PTPRN2: variants seen among roughly 807,000 people sequenced by gnomAD.
The protein encoded by PTPRN2 is protein tyrosine phosphatase receptor type N2.
PTPRN2 carries 74 observed loss-of-function variants against 118.8 expected under a neutral mutation model. That is an observed-to-expected ratio of 0.62 (90% confidence interval 0.52 to 0.76). The LOEUF is 0.76. PTPRN2 is among the 30% of genes least tolerant of loss of function. The pLI is 0.00. For missense variants in PTPRN2, 1,481 were observed against 1,394.4 expected, an observed-to-expected ratio of 1.06 and a Z score of -0.99; for synonymous variants, 641 against 608.0, an observed-to-expected ratio of 1.05 and a Z score of -0.80.
At chr7:157,812,203 T>C (rs1806089582) in intron 12 of PTPRN2, among the ~76,000 whole-genome samples, 1 of 152,162 alleles carries the variant, frequency 6.6e-6, no homozygotes, top group Admixed American at 6.5e-5. Flanking sequence ...CTTTTGGATG[T>C]GAGGTCCGCT....
intron 12 of PTPRN2, among the ~76,000 whole-genome samples, chr7:157,841,008 ACGGCCG>A (rs1476031463): frequency 6.6e-6 from 1 of 152,226 alleles, no homozygotes; most frequent in Non-Finnish European, 1.5e-5. Context: ...GCAATTCACA[ACGGCCG>A]CTGCCTGGCC....
At chr7:157,842,573 C>A (rs926436052) in intron 12 of PTPRN2, among the ~76,000 whole-genome samples, 16 of 152,054 alleles carry the variant, frequency 1.1e-4, no homozygotes, top group African/African-American at 3.9e-4. Flanking sequence ...CACCACCATG[C>A]CCAGCTAATT....
At chr7:157,682,343 T>A (rs1307294417) in intron 13 of PTPRN2, among the ~76,000 whole-genome samples, 2 of 152,236 alleles carry the variant, frequency 1.3e-5, no homozygotes, top group Non-Finnish European at 2.9e-5. Context: ...AGGAAGCCGA[T>A]GATTTTTGAG....
At chr7:157,768,126 A>C (rs1563087380) in intron 12 of PTPRN2, among the ~76,000 whole-genome samples, 1 of 152,218 alleles carries the variant, frequency 6.6e-6, no homozygotes, top group Non-Finnish European at 1.5e-5. Flanking sequence ...GCAACTACTT[A>C]AGCATCTTTG....
chr7:158,300,100 T>C (rs1312581307), intron 3 of PTPRN2, among the ~76,000 whole-genome samples: 1 of 152,196 alleles, frequency 6.6e-6, no homozygotes, highest in Non-Finnish European at 1.5e-5. Flanking sequence ...CAGCAAGCAA[T>C]TTATGTCACT....
intron 1 of PTPRN2, among the ~76,000 whole-genome samples, chr7:158,558,342 T>C (rs1827179453): frequency 6.6e-6 from 1 of 152,220 alleles, no homozygotes; most frequent in Non-Finnish European, 1.5e-5. Flanking sequence ...AATACTAAAT[T>C]AGTAGACTCC....
At chr7:157,883,334 A>T (rs1422434546) in intron 12 of PTPRN2, among the ~76,000 whole-genome samples, 1 of 151,920 alleles carries the variant, frequency 6.6e-6, no homozygotes, top group East Asian at 1.9e-4. Flanking sequence ...CACCACCCCA[A>T]AATGACTGTT....
intron 2 of PTPRN2, among the ~76,000 whole-genome samples, chr7:158,391,756 G>C (rs1586554419): frequency 6.6e-6 from 1 of 152,206 alleles, no homozygotes; most frequent in African/African-American, 2.4e-5. Flanking sequence ...GAGGAGGCAG[G>C]AGGTTTCCCC....
chr7:158,053,871 C>T (rs1466906105), intron 11 of PTPRN2, among the ~76,000 whole-genome samples: 2 of 145,484 alleles, frequency 1.4e-5, no homozygotes, highest in African/African-American at 2.7e-5. Flanking sequence ...GACGCAGAGA[C>T]CCCAGAGATG....
intron 1 of PTPRN2, among the ~76,000 whole-genome samples, chr7:158,506,400 CTAAG>C (rs1437361188): frequency 1.2e-4 from 18 of 152,124 alleles, no homozygotes; most frequent in Non-Finnish European, 1.9e-4. Flanking sequence ...AGTAGAATGA[CTAAG>C]TGACACCGGC....
At chr7:157,834,791 C>T (rs571970191) in intron 12 of PTPRN2, among the ~76,000 whole-genome samples, 4 of 152,318 alleles carry the variant, frequency 2.6e-5, no homozygotes, top group South Asian at 2.1e-4. Context: ...GGAGGACAGA[C>T]GCACATGAGG....
intron 12 of PTPRN2, among the ~76,000 whole-genome samples, chr7:157,876,359 C>T (rs1795768185): frequency 6.6e-6 from 1 of 152,188 alleles, no homozygotes; most frequent in Non-Finnish European, 1.5e-5. Flanking sequence ...CTGAATTAAC[C>T]AGCAGCGGCC....
chr7:157,571,988 G>C (rs1294452950), intron 19 of PTPRN2, among the ~76,000 whole-genome samples: 1 of 152,162 alleles, frequency 6.6e-6, no homozygotes, highest in African/African-American at 2.4e-5. Flanking sequence ...GTCAGCTTTT[G>C]GTAAGGATAT....
chr7:157,659,892 C>G (rs1364632790), intron 13 of PTPRN2, among the ~76,000 whole-genome samples: 1 of 152,066 alleles, frequency 6.6e-6, no homozygotes, highest in Non-Finnish European at 1.5e-5. Flanking sequence ...TTACAGGCGC[C>G]TGCCACCACG....
chr7:158,158,856 G>A (rs1367121910), intron 6 of PTPRN2, among the ~76,000 whole-genome samples: 1 of 97,166 alleles, frequency 1.0e-5, no homozygotes, highest in Non-Finnish European at 1.9e-5. Flanking sequence ...CCGGGACTTC[G>A]CAAGGGCTTT....
In PTPRN2 at chr7:158,136,678, C is replaced by T. The variant is rs55645575; in HGVS notation, c.1150G>A (p.Asp384Asn). Residue 384 changes from aspartate to asparagine, a missense_variant, in exon 8 of 23, where the codon GAC becomes AAC. By Grantham distance (23) the Asp-to-Asn change is conservative (BLOSUM62 1). This residue lies in a region of PTPRN2 where 1,115 missense variants were observed against 994.2 expected (regional missense o/e 1.12). Coordinates refer to ENST00000389418, the MANE Select transcript of PTPRN2 (RefSeq NM_002847.5). ...ACCTCTTGGTAAAGTCTATCATCGTCGTCCTGCACTCCGTCATCTGTAAAA... is the reference window on the plus strand; with the variant it reads ...ACCTCTTGGTAAAGTCTATCATCGTTGTCCTGCACTCCGTCATCTGTAAAA... The part of the protein sequence containing the change: ...DSFPDDGVQD[D>N]DDRLYQEVHR... The T allele has an allele frequency of 0.012, 19,169 of 1,613,592 alleles. 141 individuals are homozygous for T. Among genetic ancestry groups the T allele is most frequent in the Middle Eastern group, 0.014 (86 of 6,062 alleles).
chr7:157,895,827 G>A (rs1217366958), intron 12 of PTPRN2, among the ~76,000 whole-genome samples: 5 of 152,140 alleles, frequency 3.3e-5, no homozygotes, highest in African/African-American at 9.7e-5. Flanking sequence ...CCACTCATCC[G>A]CACTCTGCCA....
chr7:158,513,623 G>GAC (rs1823328178), intron 1 of PTPRN2, among the ~76,000 whole-genome samples: 1 of 3,666 alleles, frequency 2.7e-4, no homozygotes. Flanking sequence ...GTTTATTATA[G>GAC]ACAGAGAGAG....
intron 2 of PTPRN2, among the ~76,000 whole-genome samples, chr7:158,402,121 C>T (rs933292790): frequency 5.9e-5 from 9 of 152,128 alleles, no homozygotes; most frequent in African/African-American, 2.2e-4. Flanking sequence ...CCAGCCACCC[C>T]CTCCAAACAC....
Sources: allele counts gnomAD v4.1 joint callset (sites outside exome capture counted in the v4.1 genomes callset), GRCh38; gene constraint gnomAD v4.1.1; regional missense constraint gnomAD v4.1.1; transcripts MANE v1.5; gene names NCBI Gene and HGNC (gene_info 2026-07-23, HGNC 2026-07-21).